CSMD2: variants seen among roughly 807,000 people sequenced by gnomAD.
CSMD2 encodes the protein CUB and Sushi multiple domains 2, also known as CUB and sushi domain-containing protein 2.
CSMD2 carries 130 observed loss-of-function variants against 398.5 expected under a neutral mutation model. The observed-to-expected ratio is 0.33, with a 90% CI of 0.28 to 0.38. CSMD2 has a LOEUF of 0.38. CSMD2 is among the 10% of genes least tolerant of loss of function. The probability of loss-of-function intolerance (pLI) is 1.00; values close to 1 mark genes in which losing one functional copy is unlikely to be tolerated. For synonymous variants in CSMD2, 1,828 were observed against 1,908.5 expected (o/e 0.96, Z 1.10); for missense variants, 3,829 against 4,764.9 (o/e 0.80, Z 5.78).
intron 3 of CSMD2, among the ~76,000 whole-genome samples, chr1:34,018,989 C>G (rs970413995): frequency 6.6e-6 from 1 of 152,182 alleles, no homozygotes; most frequent in Non-Finnish European, 1.5e-5. Flanking sequence ...TTTTTGTAGA[C>G]TGAAGTCAAA....
intron 48 of CSMD2, 32 bp downstream of exon 48, chr1:33,580,721 G>T: frequency 1.9e-6 from 3 of 1,613,010 alleles, no homozygotes; most frequent in Non-Finnish European, 2.5e-6. Context: ...TGAGGAGAGG[G>T]CCTGTGGCTT....
intron 1 of CSMD2, among the ~76,000 whole-genome samples, chr1:34,153,570 G>A (rs1476946989): frequency 6.6e-6 from 1 of 152,216 alleles, no homozygotes; most frequent in Non-Finnish European, 1.5e-5. Context: ...TGTCCCCAGT[G>A]CTGCTGAGAG....
chr1:33,913,152 C>T (rs1395137617), intron 5 of CSMD2, among the ~76,000 whole-genome samples: 1 of 152,200 alleles, frequency 6.6e-6, no homozygotes, highest in Non-Finnish European at 1.5e-5. Flanking sequence ...CAGTGTGGGG[C>T]TAGATCCAGG....
At position 34,164,452 on chromosome 1, in the gene CSMD2, G is replaced by C. The variant is rs550416500; in HGVS notation, c.187+459C>G. ...GCAGGGAAGGGCAGACCTTGCAGAC[G>C]CAGAAATGGGGAGGGGGCGCACGGT... On this transcript the variant is annotated intron_variant, in intron 1 of 70. Transcript: ENST00000373381. The surrounding 1 kb of genome is among the most constrained non-coding windows in gnomAD (Gnocchi z 6.2). 1.3e-4 allele frequency among the ~76,000 whole-genome samples: 20 copies of C among 152,136 alleles called. No homozygotes were observed. In the South Asian group the frequency reaches 3.7e-3, roughly 28 times the overall value.
chr1:34,073,281 T>TA (rs1655946192), intron 2 of CSMD2, among the ~76,000 whole-genome samples: 1 of 152,234 alleles, frequency 6.6e-6, no homozygotes, highest in Admixed American at 6.5e-5. Context: ...AGGGGTTTGA[T>TA]AAAATCCATA....
chr1:33,727,583 A>G (rs1557799745), intron 15 of CSMD2, among the ~76,000 whole-genome samples: 2 of 152,110 alleles, frequency 1.3e-5, no homozygotes, highest in African/African-American at 4.8e-5. Flanking sequence ...GCTGTACATC[A>G]TGTCTCTGTG....
intron 22 of CSMD2, among the ~76,000 whole-genome samples, chr1:33,701,960 C>A (rs1020740102): frequency 6.6e-6 from 1 of 152,164 alleles, no homozygotes; most frequent in Non-Finnish European, 1.5e-5. Flanking sequence ...AAAAGATATA[C>A]CATCACCCAT....
intron 5 of CSMD2, among the ~76,000 whole-genome samples, chr1:33,866,648 C>T (rs562700388): frequency 1.0e-3 from 156 of 152,348 alleles, no homozygotes; most frequent in Admixed American, 3.0e-3. Flanking sequence ...ATCCTTTCCT[C>T]CTGGTCTCAC....
At chr1:33,627,262 T>C (rs1244147559) in intron 32 of CSMD2, among the ~76,000 whole-genome samples, 1 of 152,094 alleles carries the variant, frequency 6.6e-6, no homozygotes, top group African/African-American at 2.4e-5. Context: ...GAAACCAGGG[T>C]AGACTGACAG....
intron 5 of CSMD2, among the ~76,000 whole-genome samples, chr1:33,907,842 C>T (rs1057418764): frequency 3.9e-5 from 6 of 151,994 alleles, no homozygotes; most frequent in Admixed American, 3.9e-4. Context: ...AAAAGAAGTA[C>T]AGACTGGGCT....
At chr1:34,097,188 C>T (rs1453844001) in intron 1 of CSMD2, among the ~76,000 whole-genome samples, 1 of 150,248 alleles carries the variant, frequency 6.7e-6, no homozygotes, top group African/African-American at 2.5e-5. Context: ...ATAAATGGTG[C>T]TGGGAAAACT....
intron 13 of CSMD2, among the ~76,000 whole-genome samples, chr1:33,748,594 T>C (rs1452980434): frequency 6.6e-6 from 1 of 151,868 alleles, no homozygotes; most frequent in Non-Finnish European, 1.5e-5. Flanking sequence ...TTTGGTGTTG[T>C]CACCAAACAA....
At chr1:34,075,334 T>C (rs1034558697) in intron 2 of CSMD2, among the ~76,000 whole-genome samples, 3 of 152,242 alleles carry the variant, frequency 2.0e-5, no homozygotes, top group African/African-American at 7.2e-5. Context: ...ACGTCCCTAT[T>C]GATGTGCAAG....
Position 33,642,373 on chromosome 1 carries a change from A to AAAC in CSMD2, c.4774+4272_4774+4274dup, listed in dbSNP as rs1253049093. ...AAAAAAAAAAAAAAAAAAGGAAAGAAAACAACAACAACAAACAAACAAACA... is the reference window on the plus strand; with the variant it reads ...AAAAAAAAAAAAAAAAAAGGAAAGAAAACAACAACAACAACAAACAAACAAACA... On this transcript the variant is annotated intron_variant, in intron 29 of 70. Coordinates refer to ENST00000373381, the MANE Select transcript of CSMD2 (RefSeq NM_001281956.2). 5.9e-5 allele frequency among the ~76,000 whole-genome samples: 9 copies of AAAC among 151,826 alleles called. No individual in the cohort carries two copies. The East Asian group carries it at 9.7e-4, about 16-fold the overall frequency.
intron 6 of CSMD2, among the ~76,000 whole-genome samples, chr1:33,838,185 T>A (rs1021261631): frequency 2.0e-5 from 3 of 152,214 alleles, no homozygotes; most frequent in Admixed American, 6.5e-5. Flanking sequence ...GCCCTGCCAC[T>A]TGCCAGTCTT....
intron 3 of CSMD2, among the ~76,000 whole-genome samples, chr1:33,985,754 G>A (rs1254764464): frequency 6.6e-6 from 1 of 152,142 alleles, no homozygotes; most frequent in Non-Finnish European, 1.5e-5. Flanking sequence ...AAGGTCCTTG[G>A]TGCACTGCCA....
At chr1:33,969,791 C>T (rs560960481) in intron 3 of CSMD2, among the ~76,000 whole-genome samples, 1 of 151,006 alleles carries the variant, frequency 6.6e-6, no homozygotes, top group African/African-American at 2.4e-5. Flanking sequence ...AAGTGGCTTT[C>T]CTCAGATCAC....
chr1:34,039,552 C>T (rs913008319), intron 2 of CSMD2, among the ~76,000 whole-genome samples: 5 of 152,150 alleles, frequency 3.3e-5, no homozygotes, highest in Non-Finnish European at 5.9e-5. Flanking sequence ...AAGACACTGC[C>T]GCTGAAAAGA....
intron 2 of CSMD2, among the ~76,000 whole-genome samples, chr1:34,062,137 G>A (rs547081557): frequency 6.6e-6 from 1 of 152,272 alleles, no homozygotes; most frequent in East Asian, 1.9e-4. Flanking sequence ...TGAACTTGGT[G>A]AATATAAAAT....
Sources: gnomAD v4.1 joint callset for allele counts (sites outside exome capture counted in the v4.1 genomes callset) on GRCh38, gnomAD v4.1.1 for gene constraint, Gnocchi (gnomAD v3.1) non-coding constraint, MANE v1.5 for transcripts, NCBI Gene and HGNC (gene_info 2026-07-23, HGNC 2026-07-21) for gene names.